C6: variants seen among roughly 807,000 people sequenced by gnomAD.
C6 encodes the protein complement C6.
C6 carries 101 observed loss-of-function variants against 112.9 expected under a neutral mutation model. The observed-to-expected ratio is 0.89, with a 90% CI of 0.76 to 1.06. The LOEUF (loss-of-function observed/expected upper bound fraction) is 1.06. Ranked by LOEUF, C6 falls within the 50% of genes least tolerant of loss-of-function variation. The pLI is 0.00. For missense variants in C6, 1,202 were observed against 1,104.6 expected, an observed-to-expected ratio of 1.09 and a Z score of -1.25; for synonymous variants, 431 against 384.1, an observed-to-expected ratio of 1.12 and a Z score of -1.43.
At chr5:41,214,303 C>A (rs1752111779), upstream of C6, among the ~76,000 whole-genome samples, 1 of 152,034 alleles carries the variant, frequency 6.6e-6, no homozygotes, top group Non-Finnish European at 1.5e-5. Context: ...TAGAAAACAA[C>A]TAAAACAAAT....
intron 6 of C6, among the ~76,000 whole-genome samples, chr5:41,184,401 T>G (rs1203132377): frequency 1.3e-5 from 2 of 152,180 alleles, no homozygotes; most frequent in East Asian, 1.9e-4. Flanking sequence ...AATCCTTATT[T>G]TTCTGTGCCA....
intron 6 of C6, among the ~76,000 whole-genome samples, chr5:41,184,719 C>T (rs372410810): frequency 2.6e-5 from 4 of 152,074 alleles, no homozygotes; most frequent in African/African-American, 7.2e-5. Flanking sequence ...GTGATCTGCA[C>T]CCCCTTGGCC....
intron 9 of C6, among the ~76,000 whole-genome samples, chr5:41,163,826 G>T (rs980456980): frequency 6.6e-6 from 1 of 152,108 alleles, no homozygotes; most frequent in Non-Finnish European, 1.5e-5. Flanking sequence ...TTACAGATTT[G>T]AGAAGTCTGA....
At chr5:41,178,352 G>A (rs928731820) in intron 7 of C6, among the ~76,000 whole-genome samples, 49 of 151,942 alleles carry the variant, frequency 3.2e-4, no homozygotes, top group African/African-American at 1.2e-3. Flanking sequence ...AACAACTAAA[G>A]CTTTATGCTC....
At chr5:41,199,282 C>A (rs1183771661) in intron 4 of C6, among the ~76,000 whole-genome samples, 1 of 152,090 alleles carries the variant, frequency 6.6e-6, no homozygotes, top group Non-Finnish European at 1.5e-5. Context: ...GATAGGAGGT[C>A]AATGAACTAT....
chr5:41,180,073 TC>T (rs1580126588), intron 7 of C6, among the ~76,000 whole-genome samples: 1 of 152,182 alleles, frequency 6.6e-6, no homozygotes, highest in East Asian at 1.9e-4. Context: ...ACTCTGATAA[TC>T]TCTTAGAATT....
At chr5:41,179,686 T>C (rs762171876) in intron 7 of C6, among the ~76,000 whole-genome samples, 1 of 148,200 alleles carries the variant, frequency 6.7e-6, no homozygotes, top group African/African-American at 2.4e-5. Flanking sequence ...TGTTATATTA[T>C]ATATATAAAT....
intron 1 of C6, among the ~76,000 whole-genome samples, chr5:41,223,912 A>C (rs57108820): frequency 0.024 from 3,703 of 152,214 alleles, 168 homozygotes; most frequent in African/African-American, 0.084. Flanking sequence ...GCAGTGCCTA[A>C]ATTTTCATTG....
At chr5:41,157,838 C>A (rs896310538) in intron 13 of C6, among the ~76,000 whole-genome samples, 11 of 152,144 alleles carry the variant, frequency 7.2e-5, no homozygotes, top group African/African-American at 2.4e-4. Flanking sequence ...ATTAAAATTA[C>A]CTTCCTCTGA....
At chr5:41,227,527 G>T (rs1362578442) in intron 1 of C6, among the ~76,000 whole-genome samples, 2 of 151,898 alleles carry the variant, frequency 1.3e-5, no homozygotes, top group Non-Finnish European at 2.9e-5. Context: ...AAAAATCATT[G>T]CCCAGACCAG....
intron 8 of C6, 149 bp from the exon 9 acceptor site, chr5:41,172,496 G>C (rs1561125621): frequency 2.5e-6 from 2 of 789,072 alleles, no homozygotes; most frequent in Non-Finnish European, 4.3e-6. Context: ...GACAGCTCAA[G>C]TTAGTTTTAC....
intron 10 of C6, 61 bp from the exon 11 acceptor site, chr5:41,160,428 A>G: frequency 7.9e-7 from 1 of 1,266,510 alleles, no homozygotes; most frequent in South Asian, 1.2e-5. Flanking sequence ...GGTTGCCATT[A>G]CTGCCCAGTT....
intron 1 of C6, among the ~76,000 whole-genome samples, chr5:41,236,489 C>T (rs563909673): frequency 5.5e-5 from 8 of 145,754 alleles, no homozygotes; most frequent in Non-Finnish European, 9.1e-5. Flanking sequence ...GGGTACATAA[C>T]GAAATGAAGG....
At position 41,236,024 on chromosome 5, in the gene C6, G is replaced by T. The variant is rs1161586081; in HGVS notation, c.-21+25170C>A. 3.6e-3 allele frequency among the ~76,000 whole-genome samples: 60 copies of T among 16,480 alleles called. 1 individual carries two copies. The highest frequency in any genetic ancestry group is 0.015 in the African/African-American group (57 of 3,902). 10.8% of individuals were successfully genotyped at this position (16,480 alleles called of 152,430 possible). ...TGCGAAAATTTTCTCCCATGTTGTA[G>T]GTTGCCTGTTCACTCTGATGGTAGT... On this transcript the variant is annotated intron_variant, in intron 1 of 17. Transcript: ENST00000263413.
intron 9 of C6, among the ~76,000 whole-genome samples, chr5:41,170,385 A>G (rs905004003): frequency 4.0e-5 from 6 of 151,818 alleles, no homozygotes; most frequent in African/African-American, 1.4e-4. Flanking sequence ...TTGTTTTTGT[A>G]CCTTAGCTTT....
At chr5:41,180,881 A>G (rs2150321541) in intron 7 of C6, among the ~76,000 whole-genome samples, 1 of 151,642 alleles carries the variant, frequency 6.6e-6, no homozygotes, top group Admixed American at 6.6e-5. Context: ...CAAGAAAAGG[A>G]ATATAAGAGG....
At chr5:41,212,395 G>T (rs1410516335) in intron 1 of C6, among the ~76,000 whole-genome samples, 1 of 152,026 alleles carries the variant, frequency 6.6e-6, no homozygotes, top group Admixed American at 6.6e-5. Context: ...TCCTGACCTT[G>T]TGATTCACCT....
chr5:41,177,160 A>G (rs1748926209), intron 7 of C6, among the ~76,000 whole-genome samples: 1 of 152,212 alleles, frequency 6.6e-6, no homozygotes, highest in Non-Finnish European at 1.5e-5. Flanking sequence ...CAGCTTTGTC[A>G]TTCTGGAAAA....
intron 1 of C6, among the ~76,000 whole-genome samples, chr5:41,247,435 G>C (rs543094846): frequency 5.3e-5 from 8 of 152,144 alleles, no homozygotes; most frequent in Middle Eastern, 3.4e-3. Context: ...ATTTACAATA[G>C]CCACAGAAAA....
Sources: allele counts gnomAD v4.1 joint callset (sites outside exome capture counted in the v4.1 genomes callset), GRCh38; gene constraint gnomAD v4.1.1; transcripts MANE v1.5; gene names NCBI Gene and HGNC (gene_info 2026-07-23, HGNC 2026-07-21).